Variants in TRPC4 observed in about 807,000 individuals in gnomAD.
TRPC4 encodes the protein short transient receptor potential channel 4.
TRPC4 carries 49 observed loss-of-function variants against 99.4 expected under a neutral mutation model. That is an observed-to-expected ratio of 0.49 (90% confidence interval 0.39 to 0.63). TRPC4 has a LOEUF of 0.63. Ranked by LOEUF, TRPC4 falls within the 20% of genes least tolerant of loss-of-function variation. The probability of loss-of-function intolerance (pLI) is 0.00; values close to 1 mark genes in which losing one functional copy is unlikely to be tolerated. For missense variants in TRPC4, 898 were observed against 1,152.9 expected (o/e 0.78, Z 3.20); for synonymous variants, 454 against 425.9 (o/e 1.07, Z -0.81).
chr13:37,710,001 G>C (rs1954424533), intron 3 of TRPC4, among the ~76,000 whole-genome samples: 1 of 151,868 alleles, frequency 6.6e-6, no homozygotes, highest in Admixed American at 6.6e-5. Flanking sequence ...TAGGACAGAT[G>C]ACAAAAGAAA....
chr13:37,750,144 T>C (rs1255532466), intron 2 of TRPC4, among the ~76,000 whole-genome samples: 1 of 13,974 alleles, frequency 7.2e-5, no homozygotes, highest in East Asian at 0.5. Flanking sequence ...CTTTGAAATA[T>C]ATTCCTTTGT....
At chr13:37,649,761 C>CAA (rs1455824451) in intron 8 of TRPC4, among the ~76,000 whole-genome samples, 1 of 57,104 alleles carries the variant, frequency 1.8e-5, no homozygotes, top group Non-Finnish European at 3.7e-5. Context: ...AAAAAAAAAA[C>CAA]AACAACAAAG....
intron 3 of TRPC4, among the ~76,000 whole-genome samples, chr13:37,714,012 C>T (rs1954573442): frequency 6.6e-6 from 1 of 152,108 alleles, no homozygotes; most frequent in Non-Finnish European, 1.5e-5. Flanking sequence ...TCTCTCTCTG[C>T]TTTTATTACT....
chr13:37,674,270 T>C lies in TRPC4; in HGVS notation c.1332A>G (p.Leu444=). The C allele has an allele frequency of 6.2e-7, 1 of 1,602,432 alleles. No individual in the cohort carries two copies. Among genetic ancestry groups the C allele is most frequent in the Non-Finnish European group, 8.5e-7 (1 of 1,176,556 alleles). ...TTTTCAAGGAGATTGTTGCTAAATA[T>C]AAGGAGTTCATTACAAAGTCCATTA... The part of the protein sequence containing the change: ...WNLMDFVMNS[L]YLATISLKIV... The change falls in exon 5 of 11, where the codon TTA becomes TTG. Residue 444 remains leucine (L), a synonymous_variant. Coordinates refer to ENST00000379705, the MANE Select transcript of TRPC4 (RefSeq NM_016179.4).
chr13:37,868,695 G>C (rs1190812944), intron 1 of TRPC4, among the ~76,000 whole-genome samples: 3 of 151,450 alleles, frequency 2.0e-5, no homozygotes. Flanking sequence ...CTTTGGCTTG[G>C]TGCTTACTCC....
chr13:37,814,928 A>G (rs973630784), intron 1 of TRPC4, among the ~76,000 whole-genome samples: 1 of 151,860 alleles, frequency 6.6e-6, no homozygotes, highest in Non-Finnish European at 1.5e-5. Context: ...TGATTTCTAA[A>G]CTTACTAAGA....
Position 37,663,764 on chromosome 13 carries a change from CA to C in TRPC4, c.1375-36del, listed in dbSNP as rs754500939. 34 of 1,532,056 alleles carry C rather than the reference CA, an allele frequency of 2.2e-5. No individual in the cohort carries two copies. In the African/African-American group the frequency reaches 3.7e-4, roughly 17 times the overall value. The allele number at this position is 1,532,056 out of a possible 1,614,324, so 94.9% of individuals were successfully genotyped here. A position where few individuals can be genotyped will look rare whatever the true frequency, so the allele number is the denominator to read the frequency against. ...ACAGAGAAACAAAGGGAAAGTAAAA[CA>C]AACACACGCATATAAATAGATCAAG... On this transcript the variant is annotated intron_variant, in intron 5 of 10. Transcript: ENST00000379705.
chr13:37,702,566 G>A (rs1194280949), intron 3 of TRPC4, among the ~76,000 whole-genome samples: 4 of 152,074 alleles, frequency 2.6e-5, no homozygotes, highest in Admixed American at 2.6e-4. Context: ...TATCACAGTG[G>A]TGAATTGTGG....
At chr13:37,748,544 A>C (rs1412789970) in intron 2 of TRPC4, among the ~76,000 whole-genome samples, 1 of 152,094 alleles carries the variant, frequency 6.6e-6, no homozygotes, top group African/African-American at 2.4e-5. Flanking sequence ...AAAATATGTG[A>C]GAATATACCA....
chr13:37,715,896 T>A (rs1954646354), intron 3 of TRPC4, among the ~76,000 whole-genome samples: 1 of 152,158 alleles, frequency 6.6e-6, no homozygotes, highest in African/African-American at 2.4e-5. Flanking sequence ...CTAGGAATTA[T>A]CCCTGCCAAC....
At chr13:37,724,777 T>G (rs1412999) in intron 3 of TRPC4, among the ~76,000 whole-genome samples, 17,299 of 152,206 alleles carry the variant, frequency 0.11, 1,097 homozygotes, top group Admixed American at 0.18. Context: ...TTCAAACAAG[T>G]TAATTTGAGA....
At chr13:37,799,139 C>T (rs1291006251) in intron 1 of TRPC4, among the ~76,000 whole-genome samples, 3 of 151,808 alleles carry the variant, frequency 2.0e-5, no homozygotes, top group Non-Finnish European at 4.4e-5. Flanking sequence ...TTTCACTGTG[C>T]TAGCCAGGTT....
At chr13:37,764,530 T>A (rs2139257026) in intron 2 of TRPC4, among the ~76,000 whole-genome samples, 1 of 151,492 alleles carries the variant, frequency 6.6e-6, no homozygotes, top group East Asian at 2.0e-4. Flanking sequence ...ACTTTTAAGC[T>A]TTTTCAGTCT....
intron 3 of TRPC4, among the ~76,000 whole-genome samples, chr13:37,705,939 G>A (rs1317425410): frequency 8.0e-6 from 1 of 124,644 alleles, no homozygotes; most frequent in Non-Finnish European, 1.7e-5. Context: ...ACCATCTCCT[G>A]ATTTTTCATG....
intron 3 of TRPC4, among the ~76,000 whole-genome samples, chr13:37,719,104 C>T (rs1954776996): frequency 6.6e-6 from 1 of 151,982 alleles, no homozygotes; most frequent in African/African-American, 2.4e-5. Flanking sequence ...AAATATAGAG[C>T]CCAGAAGGGA....
chr13:37,736,651 C>A (rs962580087), intron 3 of TRPC4, among the ~76,000 whole-genome samples: 2 of 152,064 alleles, frequency 1.3e-5, no homozygotes, highest in Non-Finnish European at 2.9e-5. Flanking sequence ...ATATATTATA[C>A]TTTTTTGGTG....
At chr13:37,820,441 C>T (rs117401876) in intron 1 of TRPC4, among the ~76,000 whole-genome samples, 346 of 152,008 alleles carry the variant, frequency 2.3e-3, no homozygotes, top group African/African-American at 7.7e-3. Flanking sequence ...CATTCTATGA[C>T]GCCAGAATCC....
chr13:37,636,769 C>T lies in TRPC4; in HGVS notation c.*134G>A. 1 of 1,028,644 alleles carries T rather than the reference C, an allele frequency of 9.7e-7. No homozygotes were observed. The highest frequency in any genetic ancestry group is 2.6e-5 in the East Asian group (1 of 38,444). The allele number at this position is 1,028,644 out of a possible 1,614,324, so 63.7% of individuals were successfully genotyped here. Reference sequence around the variant, plus strand: ...GCCTTTGCCTTATTTAAACATGTTACAGGTAATATGCCACAGCTGATAAAC... The same window carrying T: ...GCCTTTGCCTTATTTAAACATGTTATAGGTAATATGCCACAGCTGATAAAC... On this transcript the variant is annotated 3_prime_UTR_variant, in exon 11 of 11. Coordinates refer to ENST00000379705, the MANE Select transcript of TRPC4 (RefSeq NM_016179.4).
At chr13:37,725,135 C>T (rs983679351) in intron 3 of TRPC4, among the ~76,000 whole-genome samples, 3 of 151,672 alleles carry the variant, frequency 2.0e-5, no homozygotes, top group African/African-American at 2.4e-5. Flanking sequence ...CAGATTTGGG[C>T]GGACTGAAGA....
Sources: allele counts gnomAD v4.1 joint callset (sites outside exome capture counted in the v4.1 genomes callset), GRCh38; gene constraint gnomAD v4.1.1; transcripts MANE v1.5; gene names NCBI Gene and HGNC (gene_info 2026-07-23, HGNC 2026-07-21).